Variants in PCDHGB1 observed in about 807,000 individuals in gnomAD.
The protein encoded by PCDHGB1 is protocadherin gamma subfamily B, 1.
PCDHGB1 carries 34 observed loss-of-function variants against 56.6 expected under a neutral mutation model. The ratio of observed to expected loss-of-function variants is 0.60; its 90% CI spans 0.46 to 0.80. The LOEUF (loss-of-function observed/expected upper bound fraction) is 0.80. Among genes scored for constraint, PCDHGB1 ranks in the 30% least tolerant of loss-of-function variants. The pLI, the probability that PCDHGB1 is intolerant of heterozygous loss-of-function variation, is 0.00. For missense variants in PCDHGB1, 1,278 were observed against 1,204.6 expected, an observed-to-expected ratio of 1.06 and a Z score of -0.90; for synonymous variants, 561 against 505.9, an observed-to-expected ratio of 1.11 and a Z score of -1.46.
chr5:141,474,500 C>G (rs183956979), intron 1 of PCDHGB1, among the ~76,000 whole-genome samples: 31 of 152,324 alleles, frequency 2.0e-4, no homozygotes, highest in African/African-American at 6.3e-4. Context: ...CTTCTAATGC[C>G]TATCAGCCCT....
chr5:141,511,182 C>A lies in PCDHGB1; in HGVS notation c.*9C>A. ...AGAAGGAGAAGAAGTAACATGGAGG[C>A]CAGGCCAAGAGCCACAGGGCGGCCT... is the stretch of plus-strand genomic sequence containing the variant. On this transcript the variant is annotated 3_prime_UTR_variant, in exon 4 of 4. Transcript: ENST00000523390. 6.2e-7 allele frequency: 1 copy of A among 1,614,022 alleles called. No homozygotes were observed. Among genetic ancestry groups the A allele is most frequent in the Non-Finnish European group, 8.5e-7 (1 of 1,179,946 alleles).
At chr5:141,403,319 G>A (rs776881134) in intron 1 of PCDHGB1, 2 of 1,613,954 alleles carry the variant, frequency 1.2e-6, no homozygotes, top group East Asian at 2.2e-5. Flanking sequence ...AGAAATAGAA[G>A]TAACTGATAT....
At chr5:141,370,904 C>T in intron 1 of PCDHGB1, 4 of 1,614,034 alleles carry the variant, frequency 2.5e-6, no homozygotes, top group Non-Finnish European at 3.4e-6. Context: ...TGCAGCAGTA[C>T]TACCTCAGCC....
rs375469126 is a variant in PCDHGB1 at position 141,405,300 on chromosome 5, A to G, written c.2409+52631A>G. 207 of 1,614,206 alleles carry G rather than the reference A, an allele frequency of 1.3e-4. No homozygotes were observed. Among genetic ancestry groups the G allele is most frequent in the Non-Finnish European group, 1.6e-4 (193 of 1,180,010 alleles). On this transcript the variant is annotated intron_variant, in intron 1 of 3. Transcript: ENST00000523390. Reference sequence around the variant, plus strand: ...TATGCAGACACACTCATCAGCCAGCAGAGCTGTGAGAAAAATGAGCCTTTG... The same window carrying G: ...TATGCAGACACACTCATCAGCCAGCGGAGCTGTGAGAAAAATGAGCCTTTG...
chr5:141,443,561 C>T (rs1487096752), intron 1 of PCDHGB1, among the ~76,000 whole-genome samples: 3 of 152,118 alleles, frequency 2.0e-5, no homozygotes, highest in Non-Finnish European at 1.5e-5. Context: ...AATTCAAATG[C>T]TTTAAATGGA....
chr5:141,376,212 T>C lies in PCDHGB1; in HGVS notation c.2409+23543T>C, dbSNP rs200049429. ...TGCGTCTTCCTGGCCTTCGTCATCGTGCTGCTGGCGCTCAGACTGCAGCGC... is the reference window on the plus strand; with the variant it reads ...TGCGTCTTCCTGGCCTTCGTCATCGCGCTGCTGGCGCTCAGACTGCAGCGC... On this transcript the variant is annotated intron_variant, in intron 1 of 3. Transcript: ENST00000523390. The C allele has an allele frequency of 1.9e-5, 31 of 1,614,098 alleles. No homozygotes were observed. Among genetic ancestry groups the C allele is most frequent in the Non-Finnish European group, 1.7e-6 (2 of 1,180,044 alleles).
chr5:141,486,671 C>T lies in PCDHGB1; in HGVS notation c.2410-8136C>T, dbSNP rs1307620045. The T allele has an allele frequency of 1.9e-6, 3 of 1,613,926 alleles. No homozygotes were observed. Among genetic ancestry groups the T allele is most frequent in the South Asian group, 1.1e-5 (1 of 91,078 alleles). On this transcript the variant is annotated intron_variant, in intron 1 of 3. Coordinates refer to ENST00000523390, the MANE Select transcript of PCDHGB1 (RefSeq NM_018922.3). This position sits in a 1 kb window ranked among gnomAD's most constrained non-coding sequence, Gnocchi z 5.0. Reference sequence around the variant, plus strand: ...CTACTCACTCCTGGAGCCCAGGAATCGAGATGTATCAGCTTCCTCTTTCAT... The same window carrying T: ...CTACTCACTCCTGGAGCCCAGGAATTGAGATGTATCAGCTTCCTCTTTCAT...
rs70988800 is a variant in PCDHGB1, at chr5:141,379,889, C to CTTTTTTTTTTTTTTTTTTTTTTT, written c.2409+27228_2409+27250dup. Among the ~76,000 whole-genome samples the CTTTTTTTTTTTTTTTTTTTTTTT allele has an allele frequency of 1.4e-3, 69 of 50,828 alleles. 14 individuals are homozygous for CTTTTTTTTTTTTTTTTTTTTTTT. The highest frequency in any genetic ancestry group is 2.0e-3 in the Non-Finnish European group (53 of 25,880). 33.3% of individuals were successfully genotyped at this position (50,828 alleles called of 152,430 possible). Reference sequence around the variant, plus strand: ...CTTATTTTATGGTCTGTGAAAGCCTCTTTTTTTTTTTTTTTTTTTTTTTTT... The same window carrying CTTTTTTTTTTTTTTTTTTTTTTT: ...CTTATTTTATGGTCTGTGAAAGCCTCTTTTTTTTTTTTTTTTTTTTTTTTTTTTTTTTTTTTTTTTTTTTTTTT... On this transcript the variant is annotated intron_variant, in intron 1 of 3. Coordinates refer to ENST00000523390, the MANE Select transcript of PCDHGB1 (RefSeq NM_018922.3).
At chr5:141,448,639 T>C (rs1248697237) in intron 1 of PCDHGB1, among the ~76,000 whole-genome samples, 1 of 152,148 alleles carries the variant, frequency 6.6e-6, no homozygotes, top group Non-Finnish European at 1.5e-5. Context: ...CATTATATCC[T>C]TTAAAAATAT....
intron 1 of PCDHGB1, among the ~76,000 whole-genome samples, chr5:141,447,728 A>G (rs2098549955): frequency 6.6e-6 from 1 of 152,204 alleles, no homozygotes; most frequent in Non-Finnish European, 1.5e-5. Flanking sequence ...TCCAAAACTC[A>G]TTGAACTTAA....
In PCDHGB1 at chr5:141,370,463, T is replaced by C. The variant is rs763997500; in HGVS notation, c.2409+17794T>C. On this transcript the variant is annotated intron_variant, in intron 1 of 3. Coordinates refer to ENST00000523390, the MANE Select transcript of PCDHGB1 (RefSeq NM_018922.3). ...GAATGCTATTTCTCTTCCTGCTCTCTTTGTTAGACCAGGCTCTCTCCGAAC... is the reference window on the plus strand; with the variant it reads ...GAATGCTATTTCTCTTCCTGCTCTCCTTGTTAGACCAGGCTCTCTCCGAAC... The C allele has an allele frequency of 1.9e-6, 3 of 1,612,968 alleles. No individual in the cohort carries two copies. The East Asian group carries it at 6.7e-5, about 36-fold the overall frequency.
At chr5:141,427,499 T>C in intron 1 of PCDHGB1, 2 of 571,516 alleles carry the variant, frequency 3.5e-6, no homozygotes, top group Non-Finnish European at 3.3e-6. Flanking sequence ...TTGTAACAGA[T>C]GGGACCCTGG....
intron 1 of PCDHGB1, chr5:141,426,449 G>A (rs1449929836): frequency 1.6e-5 from 5 of 307,646 alleles, no homozygotes; most frequent in East Asian, 8.0e-5. Flanking sequence ...GAGGACATGC[G>A]GCTGCATGTT....
intron 1 of PCDHGB1, chr5:141,392,870 G>A (rs757363357): frequency 6.2e-7 from 1 of 1,613,226 alleles, no homozygotes; most frequent in East Asian, 2.2e-5. Flanking sequence ...TGTGCGCGCT[G>A]CTGGGAACGC....
chr5:141,503,077 TCTC>T (rs1212079220), intron 2 of PCDHGB1, among the ~76,000 whole-genome samples: 1 of 151,810 alleles, frequency 6.6e-6, no homozygotes, highest in African/African-American at 2.4e-5. Flanking sequence ...ATGGTCTCGA[TCTC>T]CTGACCTCGT....
At chr5:141,414,048 G>A in intron 1 of PCDHGB1, 1 of 1,610,508 alleles carries the variant, frequency 6.2e-7, no homozygotes, top group Non-Finnish European at 8.5e-7. Flanking sequence ...TACCTGACAC[G>A]CAATTGTTGA....
chr5:141,373,528 A>C lies in PCDHGB1; in HGVS notation c.2409+20859A>C, dbSNP rs186719526. Among the ~76,000 whole-genome samples, 616 of 152,300 alleles carry C rather than the reference A, an allele frequency of 4.0e-3. 6 individuals are homozygous for C. The highest frequency in any genetic ancestry group is 0.011 in the Admixed American group (171 of 15,302). On this transcript the variant is annotated intron_variant, in intron 1 of 3. Transcript: ENST00000523390. ...ACAGAGCGAGACTTTGTCTCCAAAA[A>C]AGTGTTTGTGGTTGTTGGTACCCTT...
chr5:141,411,366 T>C (rs559840924), intron 1 of PCDHGB1: 1 of 152,208 alleles, frequency 6.6e-6, no homozygotes, highest in South Asian at 2.1e-4. Flanking sequence ...AGCCCAAGAA[T>C]TGAGACCAGC....
At position 141,351,145 on chromosome 5, in the gene PCDHGB1, CG is replaced by C; in HGVS notation, c.886del (p.Asp296ThrfsTer18). The C allele has an allele frequency of 6.2e-7, 1 of 1,613,972 alleles. No homozygotes were observed. Among genetic ancestry groups the C allele is most frequent in the African/African-American group, 1.3e-5 (1 of 75,042 alleles). ...SLFNLNPNTG[D>X]ITTNGTLDFE... The stretch of plus-strand genomic sequence containing the variant: ...TCTTCAATCTCAATCCAAATACTGG[CG>C]ACATCACAACCAATGGCACATTGGA... On this transcript the variant is annotated frameshift_variant, in exon 1 of 4. Transcript: ENST00000523390. LOFTEE classifies it high-confidence loss of function.
Sources: allele counts gnomAD v4.1 joint callset (sites outside exome capture counted in the v4.1 genomes callset), GRCh38; gene constraint gnomAD v4.1.1; non-coding constraint Gnocchi (gnomAD v3.1); transcripts MANE v1.5; gene names NCBI Gene and HGNC (gene_info 2026-07-23, HGNC 2026-07-21).